Variants in FAM135A observed in about 807,000 individuals in gnomAD.
FAM135A encodes the protein protein FAM135A.
Under a neutral mutation model 146.8 loss-of-function variants are expected in FAM135A, and 79 were observed. The ratio of observed to expected loss-of-function variants is 0.54; its 90% CI spans 0.45 to 0.65. The LOEUF (loss-of-function observed/expected upper bound fraction) is 0.65. Ranked by LOEUF, FAM135A falls within the 30% of genes least tolerant of loss-of-function variation. FAM135A has a pLI of 0.00. For synonymous variants in FAM135A, 562 were observed against 603.6 expected, an observed-to-expected ratio of 0.93 and a Z score of 1.01; for missense variants, 1,623 against 1,758.2, an observed-to-expected ratio of 0.92 and a Z score of 1.38.
intron 12 of FAM135A, among the ~76,000 whole-genome samples, chr6:70,517,071 G>T (rs1792439803): frequency 6.6e-6 from 1 of 152,076 alleles, no homozygotes; most frequent in Admixed American, 6.6e-5. Context: ...TAAATTAAAA[G>T]TACTTCTTTC....
In FAM135A at chr6:70,533,139, ACAT is replaced by A; in HGVS notation, c.3776-17_3776-15del. 1.3e-6 allele frequency: 2 copies of A among 1,582,942 alleles called. No homozygotes were observed. The highest frequency in any genetic ancestry group is 1.7e-6 in the Non-Finnish European group (2 of 1,152,714). On this transcript the variant is annotated intron_variant, in intron 16 of 21. Coordinates refer to ENST00000418814, the MANE Select transcript of FAM135A (RefSeq NM_001162529.3). ...CCTTTTACTTTATCTCATCCTTTAA[ACAT>A]CATTTTTCATTTTTTAGGAAACAGT...
At chr6:70,552,962 A>T (rs76288025) in intron 20 of FAM135A, among the ~76,000 whole-genome samples, 1 of 152,132 alleles carries the variant, frequency 6.6e-6, no homozygotes, top group South Asian at 2.1e-4. Context: ...ACATATTTTT[A>T]ATTTTTTTTA....
chr6:70,437,921 T>C (rs940742992), intron 4 of FAM135A, among the ~76,000 whole-genome samples: 2 of 152,190 alleles, frequency 1.3e-5, no homozygotes, highest in Admixed American at 1.3e-4. Flanking sequence ...TTGTGAAATT[T>C]CTTTCATAAA....
At chr6:70,506,801 A>T (rs1789883523) in intron 12 of FAM135A, among the ~76,000 whole-genome samples, 1 of 142,848 alleles carries the variant, frequency 7.0e-6, no homozygotes, top group Non-Finnish European at 1.5e-5. Context: ...GTATTTTTTT[A>T]AAAACTATGT....
At chr6:70,493,383 T>C (rs1786487383) in intron 11 of FAM135A, among the ~76,000 whole-genome samples, 1 of 152,194 alleles carries the variant, frequency 6.6e-6, no homozygotes, top group Non-Finnish European at 1.5e-5. Context: ...GAATTTTCTT[T>C]ACATGCGTCT....
chr6:70,494,688 T>G (rs978330656), intron 11 of FAM135A, among the ~76,000 whole-genome samples: 1 of 152,152 alleles, frequency 6.6e-6, no homozygotes, highest in African/African-American at 2.4e-5. Context: ...GCTTCAAGGA[T>G]GCTTTTCCAA....
chr6:70,492,547 G>GC (rs2128221741), intron 11 of FAM135A, among the ~76,000 whole-genome samples: 1 of 151,166 alleles, frequency 6.6e-6, no homozygotes, highest in Non-Finnish European at 1.5e-5. Flanking sequence ...AAATTTGAAA[G>GC]CAAAGGATAG....
intron 3 of FAM135A, among the ~76,000 whole-genome samples, chr6:70,427,218 A>G (rs1014817893): frequency 3.5e-4 from 54 of 152,230 alleles, no homozygotes; most frequent in African/African-American, 1.3e-3. Context: ...TTTAATTATA[A>G]CATGTTCCCA....
intron 16 of FAM135A, among the ~76,000 whole-genome samples, chr6:70,531,035 G>T (rs1431637750): frequency 2.0e-5 from 3 of 152,162 alleles, no homozygotes; most frequent in African/African-American, 7.2e-5. Context: ...ACTGTAAGAT[G>T]AATGCCTAAT....
intron 5 of FAM135A, among the ~76,000 whole-genome samples, chr6:70,473,050 A>G (rs1377496226): frequency 2.0e-5 from 3 of 152,080 alleles, no homozygotes; most frequent in Non-Finnish European, 4.4e-5. Flanking sequence ...TTATTTATTT[A>G]TATCAGTATG....
intron 4 of FAM135A, among the ~76,000 whole-genome samples, chr6:70,439,457 C>G (rs1297544545): frequency 6.6e-6 from 1 of 151,988 alleles, no homozygotes; most frequent in South Asian, 2.1e-4. Context: ...CAAGAAATAC[C>G]TTTTTCAATT....
In FAM135A at chr6:70,533,177, C is replaced by A; in HGVS notation, c.3793C>A (p.Arg1265=). The A allele has an allele frequency of 1.2e-6, 2 of 1,612,252 alleles. No homozygotes were observed. Among genetic ancestry groups the A allele is most frequent in the Non-Finnish European group, 1.7e-6 (2 of 1,179,100 alleles). ...HGLDGNSADL[R]LVKTYIELGL... ...TTTTTTAGGAAACAGTGCAGATCTCCGATTAGTAAAAACTTACATTGAACT... is the reference window on the plus strand; with the variant it reads ...TTTTTTAGGAAACAGTGCAGATCTCAGATTAGTAAAAACTTACATTGAACT... The change falls in exon 17 of 22, where the codon CGA becomes AGA. Residue 1265 remains arginine (R), a synonymous_variant. Transcript: ENST00000418814.
At chr6:70,517,472 G>A (rs1792552081) in intron 12 of FAM135A, among the ~76,000 whole-genome samples, 1 of 147,694 alleles carries the variant, frequency 6.8e-6, no homozygotes, top group Non-Finnish European at 1.5e-5. Flanking sequence ...AGGCTGGAGT[G>A]CAATGGCACG....
intron 10 of FAM135A, among the ~76,000 whole-genome samples, chr6:70,489,767 G>T (rs531254018): frequency 6.6e-6 from 1 of 152,088 alleles, no homozygotes; most frequent in Non-Finnish European, 1.5e-5. Context: ...TAGTACACAC[G>T]TTGCTTGTCT....
intron 5 of FAM135A, among the ~76,000 whole-genome samples, chr6:70,469,173 T>A (rs1339728840): frequency 6.6e-6 from 1 of 152,182 alleles, no homozygotes; most frequent in African/African-American, 2.4e-5. Context: ...GGTCGGAGAT[T>A]TTTATCTCTT....
chr6:70,425,384 C>A (rs1296791448), intron 2 of FAM135A, among the ~76,000 whole-genome samples: 1 of 152,262 alleles, frequency 6.6e-6, no homozygotes, highest in African/African-American at 2.4e-5. Context: ...TCTTCGACAT[C>A]ATTTCCACAA....
chr6:70,425,714 T>C (rs1582004104), intron 2 of FAM135A, among the ~76,000 whole-genome samples: 1 of 152,266 alleles, frequency 6.6e-6, no homozygotes, highest in East Asian at 1.9e-4. Flanking sequence ...TAGTTCTTTA[T>C]ACACACATAC....
At chr6:70,476,725 G>A (rs563334207) in intron 7 of FAM135A, among the ~76,000 whole-genome samples, 95 of 152,142 alleles carry the variant, frequency 6.2e-4, no homozygotes, top group Middle Eastern at 3.4e-3. Context: ...GCAATGGCCT[G>A]CTTATTTTTG....
rs752352251 is a variant in FAM135A, at chr6:70,526,355, G to C, written c.3271G>C (p.Asp1091His). 1.2e-6 allele frequency: 2 copies of C among 1,613,468 alleles called. No homozygotes were observed. Among genetic ancestry groups the C allele is most frequent in the Non-Finnish European group, 1.7e-6 (2 of 1,179,674 alleles). Residue 1091 changes from aspartate (D) to histidine (H), a missense_variant, in exon 15 of 22, where the codon GAT (aspartate) becomes CAT (histidine). Physicochemically the swap from Asp to His is moderately conservative, Grantham distance 81 (BLOSUM62 -1). This residue lies in a region of FAM135A where 1,061 missense variants were observed against 1,113.8 expected (regional missense o/e 0.95). Transcript: ENST00000418814. ...QDKEDEEEEQ[D>H]QQMVQNGYYE... ...TAAAGAGGATGAGGAGGAAGAGCAG[G>C]ATCAACAAATGGTTCAAAATGGGTA...
Sources: gnomAD v4.1 joint callset for allele counts (sites outside exome capture counted in the v4.1 genomes callset) on GRCh38, gnomAD v4.1.1 for gene constraint, gnomAD v4.1.1 regional missense constraint, MANE v1.5 for transcripts, NCBI Gene and HGNC (gene_info 2026-07-23, HGNC 2026-07-21) for gene names.